The following GRIK2 variants were observed in gnomAD, a reference collection of about 807,000 sequenced individuals.
GRIK2 encodes the protein glutamate receptor ionotropic, kainate 2.
GRIK2 carries 32 observed loss-of-function variants against 100.3 expected under a neutral mutation model. The observed-to-expected ratio is 0.32, with a 90% CI of 0.24 to 0.43. GRIK2 has a LOEUF of 0.43. Ranked by LOEUF, GRIK2 falls within the 20% of genes least tolerant of loss-of-function variation. GRIK2 has a pLI of 1.00. For synonymous variants in GRIK2, 417 were observed against 389.4 expected (o/e 1.07, Z -0.83); for missense variants, 843 against 1,114.9 (o/e 0.76, Z 3.47).
At chr6:101,458,190 G>T (rs530684508) in intron 2 of GRIK2, among the ~76,000 whole-genome samples, 4 of 151,724 alleles carry the variant, frequency 2.6e-5, no homozygotes, top group African/African-American at 9.7e-5. Flanking sequence ...TCTGAGAAGG[G>T]ATCTTTTTTT....
At chr6:101,991,477 G>C (rs1794375026) in intron 14 of GRIK2, among the ~76,000 whole-genome samples, 1 of 150,476 alleles carries the variant, frequency 6.6e-6, no homozygotes, top group East Asian at 2.0e-4. Context: ...AAATAGAAGT[G>C]TTTGTTGTAT....
chr6:101,522,457 C>T (rs1774926216), intron 2 of GRIK2, among the ~76,000 whole-genome samples: 1 of 152,176 alleles, frequency 6.6e-6, no homozygotes, highest in Admixed American at 6.6e-5. Context: ...CTGTCATGAA[C>T]TGCTGTCATT....
chr6:101,648,780 T>C (rs772413580), intron 4 of GRIK2, among the ~76,000 whole-genome samples: 1 of 152,080 alleles, frequency 6.6e-6, no homozygotes, highest in Non-Finnish European at 1.5e-5. Flanking sequence ...TCTGTTCTCA[T>C]ACTGCTAATA....
At chr6:101,448,595 A>T (rs1325458107) in intron 2 of GRIK2, among the ~76,000 whole-genome samples, 2 of 151,632 alleles carry the variant, frequency 1.3e-5, no homozygotes, top group East Asian at 3.9e-4. Flanking sequence ...TTAGTCATAT[A>T]TATGGAATTC....
intron 7 of GRIK2, among the ~76,000 whole-genome samples, chr6:101,717,780 C>A (rs986382691): frequency 2.0e-5 from 3 of 151,740 alleles, no homozygotes; most frequent in Non-Finnish European, 4.4e-5. Context: ...AACTGAGATT[C>A]ACAATAATAT....
At chr6:101,951,731 A>G (rs756688812) in intron 14 of GRIK2, among the ~76,000 whole-genome samples, 8 of 152,260 alleles carry the variant, frequency 5.3e-5, no homozygotes, top group Non-Finnish European at 1.2e-4. Context: ...TTTTATAAAG[A>G]GTAGTTCCCC....
At chr6:101,565,069 C>G (rs142050198) in intron 2 of GRIK2, among the ~76,000 whole-genome samples, 1 of 152,048 alleles carries the variant, frequency 6.6e-6, no homozygotes, top group East Asian at 1.9e-4. Context: ...ACATAATGTA[C>G]AGGGGCTGGA....
intron 14 of GRIK2, among the ~76,000 whole-genome samples, chr6:102,008,081 A>T (rs1430672205): frequency 6.6e-6 from 1 of 152,142 alleles, no homozygotes; most frequent in Non-Finnish European, 1.5e-5. Context: ...AAAGTAGATT[A>T]GAAAGGTGGA....
At chr6:101,641,067 A>G (rs1231532011) in intron 4 of GRIK2, among the ~76,000 whole-genome samples, 1 of 152,138 alleles carries the variant, frequency 6.6e-6, no homozygotes, top group Non-Finnish European at 1.5e-5. Context: ...AGAGTATTCA[A>G]AATGGTTTTG....
chr6:101,585,168 A>G (rs1778296178), intron 2 of GRIK2, among the ~76,000 whole-genome samples: 1 of 152,084 alleles, frequency 6.6e-6, no homozygotes, highest in South Asian at 2.1e-4. Flanking sequence ...AATAATCAAC[A>G]TTAATAAATT....
intron 7 of GRIK2, among the ~76,000 whole-genome samples, chr6:101,781,788 A>G (rs1454698077): frequency 2.0e-5 from 3 of 151,990 alleles, no homozygotes; most frequent in Admixed American, 2.0e-4. Flanking sequence ...AGTTAATATT[A>G]GTAACTTTTT....
intron 7 of GRIK2, among the ~76,000 whole-genome samples, chr6:101,692,938 G>A (rs550178648): frequency 2.0e-5 from 3 of 152,146 alleles, no homozygotes; most frequent in Non-Finnish European, 2.9e-5. Flanking sequence ...AGGACATGGA[G>A]CATGGAATGT....
chr6:101,995,688 C>T (rs371558216), intron 14 of GRIK2, among the ~76,000 whole-genome samples: 8 of 151,488 alleles, frequency 5.3e-5, no homozygotes, highest in Admixed American at 1.3e-4. Flanking sequence ...AATACATATG[C>T]GAGATGTGAT....
At chr6:101,467,815 A>G (rs879411516) in intron 2 of GRIK2, among the ~76,000 whole-genome samples, 5 of 152,176 alleles carry the variant, frequency 3.3e-5, no homozygotes, top group Non-Finnish European at 7.3e-5. Flanking sequence ...TAGAACCTCT[A>G]TAATGAAAAG....
chr6:101,687,458 T>C (rs1771777551), intron 7 of GRIK2, among the ~76,000 whole-genome samples: 1 of 151,976 alleles, frequency 6.6e-6, no homozygotes, highest in African/African-American at 2.4e-5. Flanking sequence ...TCCTTACATG[T>C]ATGTAGAAAA....
intron 2 of GRIK2, among the ~76,000 whole-genome samples, chr6:101,485,708 A>C (rs1163451061): frequency 1.3e-5 from 2 of 152,298 alleles, no homozygotes; most frequent in East Asian, 3.9e-4. Flanking sequence ...GGATGATAAA[A>C]GATGAATATA....
chr6:101,601,114 T>C (rs1562253542), intron 2 of GRIK2, among the ~76,000 whole-genome samples: 1 of 113,054 alleles, frequency 8.8e-6, no homozygotes, highest in Non-Finnish European at 1.8e-5. Context: ...ATGCCTAGTT[T>C]GTTGAGTTTT....
chr6:102,064,469 T>G (rs555061650), intron 16 of GRIK2, among the ~76,000 whole-genome samples: 1 of 150,374 alleles, frequency 6.7e-6, no homozygotes, highest in African/African-American at 2.4e-5. Context: ...TCCCTCTCTC[T>G]CTTTCTTTCT....
chr6:101,859,622 A>G (rs1446663953), intron 11 of GRIK2, 129 bp downstream of exon 11: 12 of 633,078 alleles, frequency 1.9e-5, no homozygotes, highest in East Asian at 1.1e-4. Flanking sequence ...CAATAATTTT[A>G]TTTAAGCTAG....
Sources: gnomAD v4.1 joint callset for allele counts (sites outside exome capture counted in the v4.1 genomes callset) on GRCh38, gnomAD v4.1.1 for gene constraint, MANE v1.5 for transcripts, NCBI Gene and HGNC (gene_info 2026-07-23, HGNC 2026-07-21) for gene names.